The following GREB1L variants were observed in gnomAD, a reference collection of about 807,000 sequenced individuals.
GREB1L encodes the protein GREB1 like retinoic acid receptor coactivator.
In GREB1L, 17 loss-of-function variants were observed where a neutral mutation model predicts 200.8. The observed-to-expected ratio is 0.08, with a 90% CI of 0.06 to 0.13. GREB1L has a LOEUF of 0.13. GREB1L is among the 10% of genes least tolerant of loss of function. The pLI, the probability that GREB1L is intolerant of heterozygous loss-of-function variation, is 1.00. For synonymous variants in GREB1L, 789 were observed against 893.0 expected, an observed-to-expected ratio of 0.88 and a Z score of 2.08; for missense variants, 1,657 against 2,367.7, an observed-to-expected ratio of 0.70 and a Z score of 6.23.
intron 23 of GREB1L, among the ~76,000 whole-genome samples, chr18:21,502,771 G>A (rs2036851347): frequency 6.6e-6 from 1 of 152,310 alleles, no homozygotes; most frequent in Non-Finnish European, 1.5e-5. Context: ...CAGACCGGGA[G>A]TCGAGGCCTG....
intron 1 of GREB1L, among the ~76,000 whole-genome samples, chr18:21,360,755 A>G (rs1237744974): frequency 6.6e-6 from 1 of 152,254 alleles, no homozygotes; most frequent in Non-Finnish European, 1.5e-5. Context: ...AGAAAAGGTT[A>G]TACATGCTTT....
intron 1 of GREB1L, among the ~76,000 whole-genome samples, chr18:21,336,749 T>C (rs1567941789): frequency 6.6e-6 from 1 of 152,218 alleles, no homozygotes; most frequent in Non-Finnish European, 1.5e-5. Context: ...CACGATGCTA[T>C]AGGCAGCGGC....
intron 1 of GREB1L, among the ~76,000 whole-genome samples, chr18:21,289,148 T>C (rs1567923375): frequency 6.6e-6 from 1 of 152,192 alleles, no homozygotes; most frequent in African/African-American, 2.4e-5. Flanking sequence ...TTCTGTACAT[T>C]CAAGGAACTC....
chr18:21,505,367 G>C (rs1215612897), intron 23 of GREB1L, 45 bp from the exon 24 acceptor site: 2 of 1,520,024 alleles, frequency 1.3e-6, no homozygotes, highest in Non-Finnish European at 1.8e-6. Flanking sequence ...ACATGGGGAA[G>C]AGGGAGGCCA....
chr18:21,519,135 T>C (rs553939471), intron 31 of GREB1L, among the ~76,000 whole-genome samples: 38 of 152,324 alleles, frequency 2.5e-4, no homozygotes, highest in African/African-American at 7.9e-4. Flanking sequence ...TAATGAATTA[T>C]AGAATTTTAG....
rs1568023290 is a variant in GREB1L, at chr18:21,452,224, T to C, written c.1984+7T>C. 6.4e-7 allele frequency: 1 copy of C among 1,550,780 alleles called. No individual in the cohort carries two copies. Among genetic ancestry groups the C allele is most frequent in the Non-Finnish European group, 8.7e-7 (1 of 1,146,738 alleles). The stretch of plus-strand genomic sequence containing the variant: ...ATTCCCACACAAAACCTGGGTAATG[T>C]CATCTCAGACCAAGAGGAGGAAGTC... On this transcript the variant is annotated splice_region_variant and intron_variant, in intron 14 of 32. Coordinates refer to ENST00000424526, the MANE Select transcript of GREB1L (RefSeq NM_001142966.3).
chr18:21,307,278 G>T (rs1395432228), intron 1 of GREB1L, among the ~76,000 whole-genome samples: 2 of 152,086 alleles, frequency 1.3e-5, no homozygotes, highest in African/African-American at 2.4e-5. Context: ...TTAATCCTTC[G>T]ATCAGTTCCC....
Position 21,501,967 on chromosome 18 carries a change from C to A in GREB1L, c.4072+1325C>A, listed in dbSNP as rs116515586. 2.3e-4 allele frequency among the ~76,000 whole-genome samples: 35 copies of A among 152,278 alleles called. No individual in the cohort carries two copies. In the East Asian group the frequency reaches 4.6e-3, roughly 20 times the overall value. The stretch of plus-strand genomic sequence containing the variant: ...CTCTGCCGCTAAGAGCAGTGTGGCT[C>A]GGCTCGGCACTGGCACGGTGCAGTA... On this transcript the variant is annotated intron_variant, in intron 23 of 32. Coordinates refer to ENST00000424526, the MANE Select transcript of GREB1L (RefSeq NM_001142966.3).
At chr18:21,389,804 A>G (rs7227578) in intron 4 of GREB1L, among the ~76,000 whole-genome samples, 50,559 of 152,052 alleles carry the variant, frequency 0.33, 11,412 homozygotes, top group African/African-American at 0.61. Flanking sequence ...GGACTCATTA[A>G]CAAGTATGAA....
chr18:21,413,805 AC>A (rs2031339815), intron 7 of GREB1L, among the ~76,000 whole-genome samples: 1 of 152,150 alleles, frequency 6.6e-6, no homozygotes, highest in Admixed American at 6.5e-5. Context: ...AGAAAATGCA[AC>A]CCCTTAGTAA....
At chr18:21,345,959 G>A (rs562559535) in intron 1 of GREB1L, among the ~76,000 whole-genome samples, 1 of 151,442 alleles carries the variant, frequency 6.6e-6, no homozygotes, top group East Asian at 1.9e-4. Flanking sequence ...GTATCCCTAA[G>A]ACCGAATAGA....
At chr18:21,489,289 G>A (rs779732042) in intron 18 of GREB1L, among the ~76,000 whole-genome samples, 12 of 152,176 alleles carry the variant, frequency 7.9e-5, no homozygotes, top group Non-Finnish European at 1.6e-4. Flanking sequence ...GACGGAGCCA[G>A]GTCTCAGGTG....
chr18:21,291,266 G>T (rs1217575463), intron 1 of GREB1L, among the ~76,000 whole-genome samples: 3 of 152,080 alleles, frequency 2.0e-5, no homozygotes, highest in Non-Finnish European at 2.9e-5. Flanking sequence ...TGCTCACCTG[G>T]AGTGCTGTCC....
intron 1 of GREB1L, among the ~76,000 whole-genome samples, chr18:21,298,056 G>A (rs909803373): frequency 6.6e-6 from 1 of 152,078 alleles, no homozygotes; most frequent in Non-Finnish European, 1.5e-5. Flanking sequence ...TGTGGAATCA[G>A]GACTATATAC....
At chr18:21,260,338 A>G (rs774737435) in intron 1 of GREB1L, among the ~76,000 whole-genome samples, 5 of 152,024 alleles carry the variant, frequency 3.3e-5, no homozygotes, top group African/African-American at 4.8e-5. Context: ...GAATGAAATT[A>G]AATTTTCTAC....
At chr18:21,316,637 T>G (rs2038872810) in intron 1 of GREB1L, among the ~76,000 whole-genome samples, 1 of 151,958 alleles carries the variant, frequency 6.6e-6, no homozygotes, top group South Asian at 2.1e-4. Context: ...TCCTTGCTAT[T>G]GGGCTGTTGC....
chr18:21,485,541 T>C (rs2036094342), intron 17 of GREB1L, 79 bp from the exon 18 acceptor site: 1 of 1,355,046 alleles, frequency 7.4e-7, no homozygotes. Flanking sequence ...AGCGGTCATT[T>C]CTGTAAACCC....
intron 5 of GREB1L, among the ~76,000 whole-genome samples, chr18:21,397,118 C>CTTTAAA (rs2041099364): frequency 1.3e-5 from 2 of 152,058 alleles, no homozygotes; most frequent in Non-Finnish European, 2.9e-5. Flanking sequence ...TATAGAAGTT[C>CTTTAAA]CTTAAATTAT....
chr18:21,245,305 ATATAAAT>A (rs1416405055), intron 1 of GREB1L, among the ~76,000 whole-genome samples: 19 of 152,346 alleles, frequency 1.2e-4, no homozygotes, highest in African/African-American at 3.6e-4. Context: ...AATAAGTCTA[ATATAAAT>A]TATAAATTCG....
Sources: allele counts gnomAD v4.1 joint callset (sites outside exome capture counted in the v4.1 genomes callset), GRCh38; gene constraint gnomAD v4.1.1; transcripts MANE v1.5; gene names NCBI Gene and HGNC (gene_info 2026-07-23, HGNC 2026-07-21).